MROH2A: variants seen among roughly 807,000 people sequenced by gnomAD.
MROH2A encodes maestro heat like repeat family member 2A, also known as maestro heat-like repeat-containing protein family member 2A.
A neutral mutation model predicts 200.4 loss-of-function variants in MROH2A; 174 were observed. That is an observed-to-expected ratio of 0.87 (90% CI 0.77 to 0.98). MROH2A has a LOEUF of 0.98. Among genes scored for constraint, MROH2A ranks in the 50% least tolerant of loss-of-function variants. The pLI is 0.00. For missense variants in MROH2A, 2,045 were observed against 2,139.6 expected, an observed-to-expected ratio of 0.96 and a Z score of 0.87; for synonymous variants, 829 against 840.4, an observed-to-expected ratio of 0.99 and a Z score of 0.23.
At chr2:233,802,394 C>T in intron 15 of MROH2A, 79 bp downstream of exon 15, 2 of 1,438,104 alleles carry the variant, frequency 1.4e-6, no homozygotes, top group East Asian at 2.5e-5. Context: ...CCCCTCTCCA[C>T]ATTCCTCCCA....
chr2:233,787,406 AACACACACACACACAC>A (rs149271880), intron 3 of MROH2A, among the ~76,000 whole-genome samples: 1 of 127,276 alleles, frequency 7.9e-6, no homozygotes, highest in African/African-American at 3.0e-5. Context: ...GGATATGTAT[AACACACACACACACAC>A]ACACACACAT....
chr2:233,831,542 T>C lies in MROH2A; in HGVS notation c.4734+2T>C, dbSNP rs1343406653. On this transcript the variant is annotated splice_donor_variant, in intron 39 of 41. Transcript: ENST00000389758. LOFTEE classifies it high-confidence loss of function. ...CAGACAACCATGTGCTCCATCCTGG[T>C]GAGGAAGCCAAAGGGGGAACCAGCC... The C allele has an allele frequency of 1.3e-6, 2 of 1,548,234 alleles. No individual in the cohort carries two copies. Among genetic ancestry groups the C allele is most frequent in the East Asian group, 2.4e-5 (1 of 40,834 alleles).
Position 233,811,943 on chromosome 2 carries a change from G to T in MROH2A, c.2635G>T (p.Ala879Ser). 1 of 1,549,736 alleles carries T rather than the reference G, an allele frequency of 6.5e-7. No homozygotes were observed. The highest frequency in any genetic ancestry group is 1.4e-5 in the African/African-American group (1 of 73,132). Residue 879 changes from alanine to serine, a missense_variant, in exon 24 of 42, where the codon GCC becomes TCC. Coordinates refer to ENST00000389758, the MANE Select transcript of MROH2A (RefSeq NM_001394639.1). ...VSPVRALAME[A>S]LSHLSKLKPF... is the part of the protein sequence containing the mutation. ...TCCAGTGCGAGCCTTGGCGATGGAGGCCCTCTCGCACCTGAGGTGAGCTGG... is the reference window on the plus strand; with the variant it reads ...TCCAGTGCGAGCCTTGGCGATGGAGTCCCTCTCGCACCTGAGGTGAGCTGG...
Position 233,828,655 on chromosome 2 carries a change from A to G in MROH2A, c.4139A>G (p.Gln1380Arg). 6.4e-7 allele frequency: 1 copy of G among 1,550,738 alleles called. No individual in the cohort carries two copies. Among genetic ancestry groups the G allele is most frequent in the South Asian group, 1.2e-5 (1 of 84,056 alleles). The change falls in exon 36 of 42, where the codon CAG becomes CGG. Residue 1380 changes from glutamine (Q) to arginine (R), a missense_variant. Transcript: ENST00000389758. The surrounding 1 kb of genome is among the most constrained non-coding windows in gnomAD (Gnocchi z 4.6). ...VCFMSGPVLY[Q>R]EKLLKPAALL... Reference sequence around the variant, plus strand: ...TTCATGAGCGGCCCAGTTCTGTACCAGGAGAAGCTGCTGAAGCCGGCAGCT... The same window carrying G: ...TTCATGAGCGGCCCAGTTCTGTACCGGGAGAAGCTGCTGAAGCCGGCAGCT...
At chr2:233,798,588 G>C (rs1393773290) in intron 11 of MROH2A, among the ~76,000 whole-genome samples, 186 bp from the exon 12 acceptor site, 1 of 152,220 alleles carries the variant, frequency 6.6e-6, no homozygotes, top group Non-Finnish European at 1.5e-5. Context: ...CCAAGGGAAC[G>C]AGGCGTGGAA....
Position 233,818,417 on chromosome 2 carries a change from G to A in MROH2A, c.3086-235G>A, listed in dbSNP as rs137926604. 1.5e-4 allele frequency among the ~76,000 whole-genome samples: 23 copies of A among 152,276 alleles called. 3 individuals carry two copies. The highest frequency in any genetic ancestry group is 5.3e-4 in the African/African-American group (22 of 41,574). On this transcript the variant is annotated intron_variant, in intron 28 of 41. Transcript: ENST00000389758. ...GCTCCCAGATGCCAAGCATGTGACAGAGCTGGCCAGAGCTGAGTTCAAGGG... is the reference window on the plus strand; with the variant it reads ...GCTCCCAGATGCCAAGCATGTGACAAAGCTGGCCAGAGCTGAGTTCAAGGG...
In MROH2A at chr2:233,819,394, C is replaced by A. The variant is rs1325326991; in HGVS notation, c.3282C>A (p.Asn1094Lys). Residue 1094 changes from asparagine to lysine, a missense_variant, in exon 30 of 42, where the codon AAC becomes AAA. Asn to Lys is a moderately conservative substitution (Grantham distance 94). Transcript: ENST00000389758. ...TCTGCGAGAACACTGGGGCCATGAA[C>A]CTGCAGCATGACAAGGCCTCTGTCA... ...QKLCENTGAM[N>K]LQHDKASVTW... The A allele has an allele frequency of 1.3e-6, 2 of 1,550,450 alleles. No individual in the cohort carries two copies. Among genetic ancestry groups the A allele is most frequent in the Non-Finnish European group, 8.7e-7 (1 of 1,146,946 alleles).
At position 233,789,550 on chromosome 2, in the gene MROH2A, G is replaced by T; in HGVS notation, c.330G>T (p.Gln110His). The T allele has an allele frequency of 6.7e-7, 1 of 1,489,554 alleles. No homozygotes were observed. Among genetic ancestry groups the T allele is most frequent in the Non-Finnish European group, 8.9e-7 (1 of 1,119,272 alleles). 92.3% of individuals were successfully genotyped at this position (1,489,554 alleles called of 1,614,324 possible). A position where few individuals can be genotyped will look rare whatever the true frequency, so the allele number is the denominator to read the frequency against. Residue 110 changes from glutamine to histidine, a missense_variant, in exon 4 of 42, where the codon CAG becomes CAT. Gln to His is a conservative substitution (Grantham distance 24, BLOSUM62 0). Around this residue, in one of 3 missense-constraint regions of MROH2A, gnomAD observed 831 missense variants for 800.0 expected, o/e 1.04. Transcript: ENST00000389758. ...NIYNILQDII[Q>H]QEGELEEQCV... ...ACAACATCCTCCAGGACATCATCCA[G>T]CAGGAGGGGGAGCTGGAGGAGCAGT...
intron 9 of MROH2A, 38 bp downstream of exon 9, chr2:233,795,783 T>C: frequency 6.4e-7 from 1 of 1,550,796 alleles, no homozygotes; most frequent in Non-Finnish European, 8.7e-7. Context: ...GGGCATTCTC[T>C]GGGTGGATCA....
chr2:233,832,066 G>A (rs1704796127), intron 39 of MROH2A, 111 bp from the exon 40 acceptor site: 7 of 819,368 alleles, frequency 8.5e-6, no homozygotes, highest in Middle Eastern at 2.3e-4. Flanking sequence ...ACGCTGGGAT[G>A]GGCGCTTGCC....
intron 35 of MROH2A, among the ~76,000 whole-genome samples, 179 bp downstream of exon 35, chr2:233,823,843 G>A (rs1398991871): frequency 1.3e-5 from 2 of 152,202 alleles, no homozygotes; most frequent in Non-Finnish European, 2.9e-5. Flanking sequence ...GTAGTGCAGG[G>A]CAGGCCCTGC....
chr2:233,803,818 G>C (rs761757242), intron 16 of MROH2A, among the ~76,000 whole-genome samples: 3 of 152,242 alleles, frequency 2.0e-5, no homozygotes, highest in South Asian at 2.1e-4. Context: ...TATGTTAACT[G>C]TGGACACTCA....
At chr2:233,800,387 A>G in intron 14 of MROH2A, 72 bp downstream of exon 14, 1 of 854,898 alleles carries the variant, frequency 1.2e-6, no homozygotes, top group Non-Finnish European at 1.8e-6. Flanking sequence ...CATGCCCAGA[A>G]TTCCACATCT....
chr2:233,832,678 C>T (rs1001102117), intron 41 of MROH2A, 34 bp downstream of exon 41: 52 of 1,431,914 alleles, frequency 3.6e-5, no homozygotes, highest in Admixed American at 2.6e-4. Flanking sequence ...GTTGAGTCCA[C>T]GACTCACCAA....
At chr2:233,782,012 T>A (rs1004187265) in intron 3 of MROH2A, among the ~76,000 whole-genome samples, 6 of 152,216 alleles carry the variant, frequency 3.9e-5, no homozygotes, top group Admixed American at 3.9e-4. Flanking sequence ...CTAGCACCTT[T>A]GTCAAAAATG....
Position 233,828,560 on chromosome 2 carries a change from C to A in MROH2A, c.4114-70C>A. The A allele has an allele frequency of 6.6e-7, 1 of 1,518,722 alleles. No individual in the cohort carries two copies. The highest frequency in any genetic ancestry group is 1.2e-5 in the South Asian group (1 of 80,016). The allele number at this position is 1,518,722 out of a possible 1,614,324, so 94.1% of individuals were successfully genotyped here. Reference sequence around the variant, plus strand: ...GCCACCAATCTGCATTACCTCTCCTCCCACGTCCCACCTTGCTGCTGAGAA... The same window carrying A: ...GCCACCAATCTGCATTACCTCTCCTACCACGTCCCACCTTGCTGCTGAGAA... On this transcript the variant is annotated intron_variant, in intron 35 of 41. Coordinates refer to ENST00000389758, the MANE Select transcript of MROH2A (RefSeq NM_001394639.1). The surrounding 1 kb of genome is among the most constrained non-coding windows in gnomAD (Gnocchi z 4.6).
rs1471621888 is a variant in MROH2A, at chr2:233,819,916, G to A, written c.3372G>A (p.Leu1124=). Residue 1124 remains leucine (L), a synonymous_variant, in exon 31 of 42, where the codon CTG becomes CTA. Transcript: ENST00000389758. ...KELEDKVAEI[L]SAILVHLPVV... ...TCCCTACCTAGGTGGCCGAGATCCT[G>A]AGTGCCATCCTGGTGCACCTGCCGG... 6.6e-7 allele frequency: 1 copy of A among 1,520,334 alleles called. No homozygotes were observed. The highest frequency in any genetic ancestry group is 1.4e-5 in the African/African-American group (1 of 72,282). The allele number at this position is 1,520,334 out of a possible 1,614,324, so 94.2% of individuals were successfully genotyped here.
chr2:233,823,394 G>C (rs890078206), intron 34 of MROH2A, among the ~76,000 whole-genome samples, 162 bp from the exon 35 acceptor site: 2 of 152,212 alleles, frequency 1.3e-5, no homozygotes, highest in Non-Finnish European at 2.9e-5. Flanking sequence ...CCTCAACCAA[G>C]TCCCCAGGAA....
At chr2:233,812,111 G>A (rs1487767610) in intron 24 of MROH2A, among the ~76,000 whole-genome samples, 152 bp downstream of exon 24, 1 of 152,190 alleles carries the variant, frequency 6.6e-6, no homozygotes, top group Non-Finnish European at 1.5e-5. Context: ...CAATGGGCCA[G>A]CCTAGATGAT....
Sources: gnomAD v4.1 joint callset for allele counts (sites outside exome capture counted in the v4.1 genomes callset) on GRCh38, gnomAD v4.1.1 for gene constraint, gnomAD v4.1.1 regional missense constraint, Gnocchi (gnomAD v3.1) non-coding constraint, MANE v1.5 for transcripts, NCBI Gene and HGNC (gene_info 2026-07-23, HGNC 2026-07-21) for gene names.